The following FBXW4 variants were observed in gnomAD, a reference collection of about 807,000 sequenced individuals.
FBXW4 encodes the protein F-box/WD repeat-containing protein 4.
FBXW4 carries 40 observed loss-of-function variants against 61.8 expected under a neutral mutation model. That is an observed-to-expected ratio of 0.65 (90% CI 0.50 to 0.84). The LOEUF (loss-of-function observed/expected upper bound fraction) is 0.84. Among genes scored for constraint, FBXW4 ranks in the 40% least tolerant of loss-of-function variants. The probability of loss-of-function intolerance (pLI) is 0.00; values close to 1 mark genes in which losing one functional copy is unlikely to be tolerated. For synonymous variants in FBXW4, 311 were observed against 313.8 expected (o/e 0.99, Z 0.10); for missense variants, 672 against 753.8 (o/e 0.89, Z 1.27).
intron 5 of FBXW4, among the ~76,000 whole-genome samples, chr10:101,644,403 T>C (rs939611559): frequency 6.6e-6 from 1 of 152,168 alleles, no homozygotes; most frequent in Non-Finnish European, 1.5e-5. Flanking sequence ...GTAGGCCAAA[T>C]AGCTTTCTGG....
chr10:101,689,041 A>T (rs1050251713), intron 1 of FBXW4, among the ~76,000 whole-genome samples: 11 of 152,304 alleles, frequency 7.2e-5, no homozygotes, highest in African/African-American at 1.4e-4. Context: ...ATAATTTTTT[A>T]AAAAACCTGT....
At chr10:101,612,716 C>G (rs2063798260) in intron 6 of FBXW4, among the ~76,000 whole-genome samples, 7 of 151,594 alleles carry the variant, frequency 4.6e-5, no homozygotes. Context: ...AGCAGCCCCT[C>G]CATCACACCT....
At chr10:101,676,511 A>C in intron 1 of FBXW4, 75 bp from the exon 2 acceptor site, 5 of 1,210,368 alleles carry the variant, frequency 4.1e-6, no homozygotes, top group Non-Finnish European at 6.0e-6. Context: ...GGGCTTACTG[A>C]GTCAGGATTC....
chr10:101,658,271 G>A (rs2064208792), intron 5 of FBXW4, among the ~76,000 whole-genome samples: 1 of 152,188 alleles, frequency 6.6e-6, no homozygotes, highest in African/African-American at 2.4e-5. Flanking sequence ...TTGAGGCCGG[G>A]CATGGTGGCG....
chr10:101,629,979 G>A (rs2134826073), intron 5 of FBXW4, among the ~76,000 whole-genome samples: 1 of 152,330 alleles, frequency 6.6e-6, no homozygotes, highest in South Asian at 2.1e-4. Flanking sequence ...AGCTGGCCCA[G>A]GCCCCAGCAG....
intron 5 of FBXW4, among the ~76,000 whole-genome samples, chr10:101,630,511 G>T (rs932762404): frequency 1.3e-5 from 2 of 152,192 alleles, no homozygotes; most frequent in Non-Finnish European, 2.9e-5. Flanking sequence ...AACATGTCAG[G>T]TCTCATTGCT....
At chr10:101,677,509 C>G (rs11191088) in intron 1 of FBXW4, among the ~76,000 whole-genome samples, 23,367 of 152,104 alleles carry the variant, frequency 0.15, 2,081 homozygotes, top group Middle Eastern at 0.22. Context: ...ACAGTCATTA[C>G]TACCAGGATA....
intron 1 of FBXW4, among the ~76,000 whole-genome samples, chr10:101,687,142 T>C (rs2064542103): frequency 6.6e-6 from 1 of 152,202 alleles, no homozygotes; most frequent in African/African-American, 2.4e-5. Context: ...ACATATTTAC[T>C]ATAAAACAAT....
intron 5 of FBXW4, among the ~76,000 whole-genome samples, chr10:101,628,948 A>C (rs2063928547): frequency 1.3e-5 from 2 of 152,240 alleles, no homozygotes; most frequent in African/African-American, 4.8e-5. Flanking sequence ...GCCCTAGCTC[A>C]GGCAAACCTG....
At chr10:101,615,373 C>T (rs1196922037) in intron 6 of FBXW4, among the ~76,000 whole-genome samples, 1 of 152,014 alleles carries the variant, frequency 6.6e-6, no homozygotes, top group Admixed American at 6.6e-5. Context: ...GGGCTGGGGG[C>T]CTCCACACCC....
chr10:101,621,759 A>G (rs1368721951), intron 6 of FBXW4, among the ~76,000 whole-genome samples: 2 of 152,246 alleles, frequency 1.3e-5, no homozygotes, highest in Admixed American at 1.3e-4. Flanking sequence ...AGCAAGAGGC[A>G]CAGATAAGTT....
At chr10:101,619,026 G>A (rs1462114760) in intron 6 of FBXW4, among the ~76,000 whole-genome samples, 1 of 152,164 alleles carries the variant, frequency 6.6e-6, no homozygotes, top group Non-Finnish European at 1.5e-5. Context: ...CACCTTCCCT[G>A]GGGCCTAGCC....
chr10:101,662,450 A>AACAAACAGGCCACCACAGCAAACTT (rs1195252665), intron 5 of FBXW4, among the ~76,000 whole-genome samples: 3 of 152,184 alleles, frequency 2.0e-5, no homozygotes, highest in African/African-American at 7.2e-5. Flanking sequence ...TCCCCTCAAA[A>AACAAACAGGCCACCACAGCAAACTT]ACAAACAGGC....
chr10:101,622,504 G>A (rs2134813876), intron 6 of FBXW4, among the ~76,000 whole-genome samples: 1 of 152,284 alleles, frequency 6.6e-6, no homozygotes, highest in Middle Eastern at 3.4e-3. Context: ...GAGGCAGGCT[G>A]ATCACGAGGT....
At chr10:101,689,829 G>T (rs2064574291) in intron 1 of FBXW4, among the ~76,000 whole-genome samples, 1 of 152,136 alleles carries the variant, frequency 6.6e-6, no homozygotes, top group Admixed American at 6.5e-5. Flanking sequence ...CACTGAAATA[G>T]ATACCCCAGG....
At chr10:101,693,274 A>G (rs2064631155) in intron 1 of FBXW4, among the ~76,000 whole-genome samples, 1 of 152,256 alleles carries the variant, frequency 6.6e-6, no homozygotes, top group Non-Finnish European at 1.5e-5. Flanking sequence ...ATCCTAAGGA[A>G]CTGATTTTTA....
chr10:101,681,513 A>G (rs2064476131), intron 1 of FBXW4, among the ~76,000 whole-genome samples: 1 of 150,852 alleles, frequency 6.6e-6, no homozygotes, highest in Admixed American at 6.6e-5. Flanking sequence ...GTCAGGAGAC[A>G]GAGACCATCC....
chr10:101,653,995 T>A (rs1043172213), intron 5 of FBXW4, among the ~76,000 whole-genome samples: 7 of 151,792 alleles, frequency 4.6e-5, no homozygotes, highest in Non-Finnish European at 7.4e-5. Context: ...GTGGCATGCA[T>A]CTGTAATCCC....
chr10:101,654,899 C>G (rs1018249995), intron 5 of FBXW4, among the ~76,000 whole-genome samples: 1 of 152,254 alleles, frequency 6.6e-6, no homozygotes, highest in Non-Finnish European at 1.5e-5. Flanking sequence ...TCTCAGCTGA[C>G]TGCAGCCTCA....
Sources: allele counts gnomAD v4.1 joint callset (sites outside exome capture counted in the v4.1 genomes callset), GRCh38; gene constraint gnomAD v4.1.1; transcripts MANE v1.5; gene names NCBI Gene and HGNC (gene_info 2026-07-23, HGNC 2026-07-21).